Variants in RARS1 observed in about 807,000 individuals in gnomAD.
RARS1 encodes arginyl-tRNA synthetase 1, also known as arginine--tRNA ligase, cytoplasmic.
Under a neutral mutation model 78.7 loss-of-function variants are expected in RARS1, and 75 were observed. The observed-to-expected ratio is 0.95, with a 90% CI of 0.79 to 1.15. The LOEUF (loss-of-function observed/expected upper bound fraction) is 1.15. RARS1 is among the 50% of genes most tolerant of loss of function. The pLI is 0.00. For missense variants in RARS1, 787 were observed against 787.5 expected (o/e 1.00, Z 0.01); for synonymous variants, 273 against 268.2 (o/e 1.02, Z -0.18).
chr5:168,518,094 T>TTG, intron 14 of RARS1, 32 bp downstream of exon 14: 1 of 1,397,516 alleles, frequency 7.2e-7, no homozygotes, highest in Non-Finnish European at 9.3e-7. Context: ...TTTTTTTTTT[T>TTG]TAGTGAGAGA....
intron 2 of RARS1, among the ~76,000 whole-genome samples, chr5:168,491,967 T>G (rs1582427379): frequency 8.5e-6 from 1 of 117,508 alleles, no homozygotes; most frequent in Non-Finnish European, 1.7e-5. Flanking sequence ...TTTTTTTTTT[T>G]TTGCTAAACT....
At chr5:168,504,244 G>GATC (rs1758388814) in intron 9 of RARS1, among the ~76,000 whole-genome samples, 1 of 152,064 alleles carries the variant, frequency 6.6e-6, no homozygotes, top group South Asian at 2.1e-4. Flanking sequence ...AGCCAGGCGT[G>GATC]GCTGGGCGTG....
chr5:168,507,268 G>A (rs1345580750), intron 11 of RARS1, among the ~76,000 whole-genome samples: 1 of 152,136 alleles, frequency 6.6e-6, no homozygotes, highest in African/African-American at 2.4e-5. Context: ...GTTTTGTTAT[G>A]TTCTCTCCAA....
At chr5:168,517,763 T>TA (rs1554123350) in intron 13 of RARS1, 52 bp from the exon 14 acceptor site, 5 of 1,313,830 alleles carry the variant, frequency 3.8e-6, no homozygotes, top group South Asian at 1.3e-5. Context: ...TGAGTGTGCC[T>TA]AAAAAAAGGG....
At chr5:168,496,715 C>G (rs1384070579) in intron 6 of RARS1, among the ~76,000 whole-genome samples, 1 of 152,060 alleles carries the variant, frequency 6.6e-6, no homozygotes, top group Non-Finnish European at 1.5e-5. Context: ...AACTCCTAAC[C>G]TCAAGTGATC....
At chr5:168,491,337 G>T (rs553721415) in intron 2 of RARS1, among the ~76,000 whole-genome samples, 7 of 152,290 alleles carry the variant, frequency 4.6e-5, no homozygotes, top group East Asian at 3.9e-4. Flanking sequence ...AGCCTCAGCA[G>T]AGTGCACAGT....
chr5:168,487,287 A>G (rs1561817818), intron 1 of RARS1, among the ~76,000 whole-genome samples: 1 of 151,802 alleles, frequency 6.6e-6, no homozygotes, highest in Non-Finnish European at 1.5e-5. Flanking sequence ...AATGGCGTGA[A>G]CCCGGGAGGC....
chr5:168,514,106 G>T (rs2113030585), intron 12 of RARS1, among the ~76,000 whole-genome samples: 1 of 152,270 alleles, frequency 6.6e-6, no homozygotes, highest in East Asian at 1.9e-4. Flanking sequence ...TCCTTTGAAA[G>T]TATGTATCTT....
At chr5:168,508,172 T>C (rs921989194) in intron 11 of RARS1, among the ~76,000 whole-genome samples, 1 of 152,332 alleles carries the variant, frequency 6.6e-6, no homozygotes, top group African/African-American at 2.4e-5. Context: ...TTAGATGATA[T>C]TCTGACACTT....
Position 168,517,871 on chromosome 5 carries a change from A to G in RARS1, c.1682A>G (p.Glu561Gly). Residue 561 changes from glutamate (E) to glycine (G), a missense_variant, in exon 14 of 15, where the codon GAA becomes GGA. Coordinates refer to ENST00000231572, the MANE Select transcript of RARS1 (RefSeq NM_002887.4). ...GAAATGCTCCAAAAAGCTGCTCGAG[A>G]AACCAAGATTCTTTTGGATCATGAG... is the stretch of plus-strand genomic sequence containing the variant. Reference protein sequence around the residue: ...DEEMLQKAARETKILLDHEKE... With the variant: ...DEEMLQKAARGTKILLDHEKE... 6.2e-7 allele frequency: 1 copy of G among 1,613,786 alleles called. No homozygotes were observed. The highest frequency in any genetic ancestry group is 1.6e-4 in the Middle Eastern group (1 of 6,062).
At chr5:168,496,362 G>A (rs1460526361) in intron 6 of RARS1, among the ~76,000 whole-genome samples, 2 of 132,150 alleles carry the variant, frequency 1.5e-5, no homozygotes, top group Non-Finnish European at 3.1e-5. Flanking sequence ...CTGGGCAACA[G>A]AGCAAGACTC....
chr5:168,508,467 A>G (rs1442433689), intron 11 of RARS1, among the ~76,000 whole-genome samples: 6 of 151,820 alleles, frequency 4.0e-5, no homozygotes, highest in Non-Finnish European at 5.9e-5. Flanking sequence ...TAAAAGTACA[A>G]AAATTAGTTG....
chr5:168,502,658 G>C (rs925093131), intron 9 of RARS1, among the ~76,000 whole-genome samples: 1 of 142,352 alleles, frequency 7.0e-6, no homozygotes, highest in Non-Finnish European at 1.5e-5. Context: ...TGCAACCTCC[G>C]CCTCCTGGGT....
At chr5:168,513,172 A>C (rs1464996486) in intron 12 of RARS1, among the ~76,000 whole-genome samples, 5 of 148,442 alleles carry the variant, frequency 3.4e-5, no homozygotes, top group African/African-American at 1.2e-4. Context: ...CAGCCTCCTG[A>C]GTAGCTGGGA....
chr5:168,509,438 A>AAC (rs1758519752), intron 11 of RARS1, among the ~76,000 whole-genome samples: 4 of 118,178 alleles, frequency 3.4e-5, no homozygotes, highest in Non-Finnish European at 5.2e-5. Context: ...TTTTTTAAAC[A>AAC]CCCCCCCCCC....
At chr5:168,489,994 A>G (rs900419036) in intron 2 of RARS1, among the ~76,000 whole-genome samples, 1 of 151,964 alleles carries the variant, frequency 6.6e-6, no homozygotes, top group Admixed American at 6.6e-5. Flanking sequence ...TTGTATTTTT[A>G]GTAGAGACGA....
chr5:168,495,322 T>C lies in RARS1; in HGVS notation c.587T>C (p.Val196Ala), dbSNP rs933780109. 1 of 1,613,844 alleles carries C rather than the reference T, an allele frequency of 6.2e-7. No individual in the cohort carries two copies. ...PALGENKKVI[V>A]DFSSPNIAKE... ...TCTTTTTGTCTACCCCAGGTTATAG[T>C]TGACTTTTCCTCCCCTAATATAGCT... Residue 196 changes from valine (V) to alanine (A), a missense_variant, in exon 6 of 15, where the codon GTT (valine) becomes GCT (alanine). Val to Ala is a moderately conservative substitution (Grantham distance 64, BLOSUM62 0). Transcript: ENST00000231572.
chr5:168,496,343 C>T (rs186923288), intron 6 of RARS1, among the ~76,000 whole-genome samples: 1 of 146,688 alleles, frequency 6.8e-6, no homozygotes, highest in African/African-American at 2.5e-5. Flanking sequence ...CGTGCCACTG[C>T]ACTCCAGCCT....
chr5:168,505,980 G>A (rs779264507), intron 9 of RARS1, 41 bp from the exon 10 acceptor site: 2 of 1,496,198 alleles, frequency 1.3e-6, no homozygotes, highest in Non-Finnish European at 9.1e-7. Flanking sequence ...TTCCTTCAGG[G>A]TTCTTTTAAC....
Sources: gnomAD v4.1 joint callset for allele counts (sites outside exome capture counted in the v4.1 genomes callset) on GRCh38, gnomAD v4.1.1 for gene constraint, MANE v1.5 for transcripts, NCBI Gene and HGNC (gene_info 2026-07-23, HGNC 2026-07-21) for gene names.